The following PARD3B variants were observed in gnomAD, a reference collection of about 807,000 sequenced individuals.
PARD3B encodes partitioning defective 3 homolog B.
In PARD3B, 103 loss-of-function variants were observed where a neutral mutation model predicts 130.2. That is an observed-to-expected ratio of 0.79 (90% CI 0.67 to 0.93). The LOEUF (loss-of-function observed/expected upper bound fraction) is 0.93, where lower values mean the gene tolerates loss of function less well. Among genes scored for constraint, PARD3B ranks in the 40% least tolerant of loss-of-function variants. The pLI is 0.00. For missense variants in PARD3B, 1,609 were observed against 1,499.2 expected (o/e 1.07, Z -1.21); for synonymous variants, 583 against 553.2 (o/e 1.05, Z -0.76).
At chr2:204,927,123 A>G (rs760751808) in intron 2 of PARD3B, among the ~76,000 whole-genome samples, 6 of 152,160 alleles carry the variant, frequency 3.9e-5, no homozygotes. Context: ...CTAAAGAATA[A>G]TACATTTTTG....
intron 14 of PARD3B, 44 bp from the exon 15 acceptor site, chr2:205,193,161 A>G (rs771621223): frequency 8.5e-6 from 12 of 1,413,408 alleles, no homozygotes; most frequent in South Asian, 8.2e-5. Context: ...TTTTTAAAAG[A>G]TTTTATTCTA....
intron 18 of PARD3B, among the ~76,000 whole-genome samples, chr2:205,377,701 A>G (rs2045116616): frequency 6.6e-6 from 1 of 151,994 alleles, no homozygotes; most frequent in Admixed American, 6.6e-5. Context: ...GAGAGCACAC[A>G]GAACATCAGG....
At position 204,906,925 on chromosome 2, in the gene PARD3B, T is replaced by A. The variant is rs1007735345; in HGVS notation, c.223-58227T>A. Among the ~76,000 whole-genome samples the A allele has an allele frequency of 6.6e-6, 1 of 152,204 alleles. No individual in the cohort carries two copies. The highest frequency in any genetic ancestry group is 1.9e-4 in the East Asian group (1 of 5,198). On this transcript the variant is annotated intron_variant, in intron 2 of 22. Coordinates refer to ENST00000406610, the MANE Select transcript of PARD3B (RefSeq NM_001302769.2). This position sits in a 1 kb window ranked among gnomAD's most constrained non-coding sequence, Gnocchi z 4.3. ...GAAATTTTAGCATTTTTGTGGAGAA[T>A]TGGGTGTATTAAAAAGTAGAAGCAA...
At chr2:204,594,837 A>T (rs934209210) in intron 1 of PARD3B, among the ~76,000 whole-genome samples, 9 of 152,204 alleles carry the variant, frequency 5.9e-5, no homozygotes, top group Non-Finnish European at 1.0e-4. Context: ...CTGCAGTGTA[A>T]ATAGCACAGA....
chr2:204,945,580 C>T (rs1326700211), intron 2 of PARD3B, among the ~76,000 whole-genome samples: 1 of 152,158 alleles, frequency 6.6e-6, no homozygotes, highest in Non-Finnish European at 1.5e-5. Flanking sequence ...GGCAAGTGGG[C>T]TTAGTGAATG....
chr2:205,026,635 C>T (rs1233510056), intron 3 of PARD3B, among the ~76,000 whole-genome samples: 2 of 152,088 alleles, frequency 1.3e-5, no homozygotes, highest in East Asian at 1.9e-4. Context: ...CAGAATTTAT[C>T]CATCTTGTAA....
At position 205,158,622 on chromosome 2, in the gene PARD3B, A is replaced by AT. The variant is rs1386384229; in HGVS notation, c.1435-99dup. The AT allele has an allele frequency of 9.2e-5, 113 of 1,231,032 alleles. No homozygotes were observed. Among genetic ancestry groups the AT allele is most frequent in the Non-Finnish European group, 1.3e-4 (111 of 876,500 alleles). 76.3% of individuals were successfully genotyped at this position (1,231,032 alleles called of 1,614,324 possible). On this transcript the variant is annotated intron_variant, in intron 10 of 22. Coordinates refer to ENST00000406610, the MANE Select transcript of PARD3B (RefSeq NM_001302769.2). This position sits in a 1 kb window ranked among gnomAD's most constrained non-coding sequence, Gnocchi z 5.4. Reference sequence around the variant, plus strand: ...GATTACAGCTGTGAGAGGTCCAGTCATCCTGTCCTACTGATTGCATCTGTG... The same window carrying AT: ...GATTACAGCTGTGAGAGGTCCAGTCATTCCTGTCCTACTGATTGCATCTGTG...
chr2:204,660,071 G>A (rs1213797186), intron 1 of PARD3B, among the ~76,000 whole-genome samples: 1 of 152,164 alleles, frequency 6.6e-6, no homozygotes, highest in African/African-American at 2.4e-5. Flanking sequence ...GAACAGAGGT[G>A]TGAAGTGCTG....
intron 21 of PARD3B, among the ~76,000 whole-genome samples, chr2:205,537,780 C>T (rs541790856): frequency 9.8e-5 from 15 of 152,288 alleles, no homozygotes; most frequent in Admixed American, 9.2e-4. Context: ...TGATCCCAAA[C>T]TGTTCAATAA....
At chr2:205,494,927 T>A (rs2106328588) in intron 20 of PARD3B, among the ~76,000 whole-genome samples, 1 of 152,328 alleles carries the variant, frequency 6.6e-6, no homozygotes, top group Admixed American at 6.5e-5. Context: ...AGATGAGGTA[T>A]GTAAAGCACA....
chr2:205,304,715 C>T (rs1423674690), intron 18 of PARD3B, among the ~76,000 whole-genome samples: 1 of 151,042 alleles, frequency 6.6e-6, no homozygotes, highest in Non-Finnish European at 1.5e-5. Context: ...ATGGGCAAAT[C>T]ACTTGAGCCC....
Position 205,258,686 on chromosome 2 carries a change from A to G in PARD3B, c.2185+12864A>G, listed in dbSNP as rs73982850. ...CTTTTTTCTTGATACGTCTTTTTGCATATTTTTGCTCTCAAACTTTGTGTC... is the reference window on the plus strand; with the variant it reads ...CTTTTTTCTTGATACGTCTTTTTGCGTATTTTTGCTCTCAAACTTTGTGTC... On this transcript the variant is annotated intron_variant, in intron 16 of 22. Coordinates refer to ENST00000406610, the MANE Select transcript of PARD3B (RefSeq NM_001302769.2). The surrounding 1 kb of genome is among the most constrained non-coding windows in gnomAD (Gnocchi z 4.9). 0.034 allele frequency among the ~76,000 whole-genome samples: 5,175 copies of G among 152,188 alleles called. 287 individuals are homozygous for G. The highest frequency in any genetic ancestry group is 0.12 in the African/African-American group (4,888 of 41,508).
chr2:204,777,131 G>C (rs2041655386), intron 2 of PARD3B, among the ~76,000 whole-genome samples: 1 of 152,154 alleles, frequency 6.6e-6, no homozygotes, highest in Non-Finnish European at 1.5e-5. Flanking sequence ...TTAAAGTCCA[G>C]AAAAACAACT....
intron 18 of PARD3B, among the ~76,000 whole-genome samples, chr2:205,389,855 CT>C (rs1430373417): frequency 6.6e-6 from 1 of 152,160 alleles, no homozygotes; most frequent in Non-Finnish European, 1.5e-5. Flanking sequence ...GATTAATCAT[CT>C]TTAAAGATGG....
intron 19 of PARD3B, among the ~76,000 whole-genome samples, chr2:205,422,257 T>C (rs1360330464): frequency 1.3e-5 from 2 of 152,074 alleles, no homozygotes; most frequent in Admixed American, 6.5e-5. Flanking sequence ...TGGAGTTGAA[T>C]AACTAAGGGA....
intron 10 of PARD3B, among the ~76,000 whole-genome samples, chr2:205,150,934 G>C (rs2033711358): frequency 7.1e-6 from 1 of 140,760 alleles, no homozygotes; most frequent in South Asian, 2.2e-4. Context: ...ACTACATAGT[G>C]ACTATAGTTA....
chr2:204,576,018 A>G (rs2032239756), intron 1 of PARD3B, among the ~76,000 whole-genome samples: 1 of 152,134 alleles, frequency 6.6e-6, no homozygotes, highest in African/African-American at 2.4e-5. Context: ...TAAGGTTTTC[A>G]GGTTACAAAC....
chr2:205,571,286 C>T (rs1429655636), intron 22 of PARD3B, among the ~76,000 whole-genome samples: 2 of 152,192 alleles, frequency 1.3e-5, no homozygotes, highest in Non-Finnish European at 2.9e-5. Flanking sequence ...AAGATGGTTA[C>T]ATAAAACATC....
intron 18 of PARD3B, among the ~76,000 whole-genome samples, chr2:205,322,094 G>A (rs748404153): frequency 1.5e-4 from 23 of 152,088 alleles, no homozygotes; most frequent in Admixed American, 5.2e-4. Context: ...AAGACTGGAG[G>A]GAAGGCTGGA....
Sources: gnomAD v4.1 joint callset for allele counts (sites outside exome capture counted in the v4.1 genomes callset) on GRCh38, gnomAD v4.1.1 for gene constraint, Gnocchi (gnomAD v3.1) non-coding constraint, MANE v1.5 for transcripts, NCBI Gene and HGNC (gene_info 2026-07-23, HGNC 2026-07-21) for gene names.